ARHGAP21: variants seen among roughly 807,000 people sequenced by gnomAD.
ARHGAP21 encodes the protein Rho GTPase activating protein 21, also known as rho GTPase-activating protein 21.
A neutral mutation model predicts 164.6 loss-of-function variants in ARHGAP21; 38 were observed. The ratio of observed to expected loss-of-function variants is 0.23; its 90% CI spans 0.18 to 0.30. The LOEUF (loss-of-function observed/expected upper bound fraction) is 0.30, where lower values mean the gene tolerates loss of function less well. Ranked by LOEUF, ARHGAP21 falls within the 10% of genes least tolerant of loss-of-function variation. ARHGAP21 has a pLI of 1.00. For synonymous variants in ARHGAP21, 766 were observed against 857.9 expected (o/e 0.89, Z 1.87); for missense variants, 1,822 against 2,370.7 (o/e 0.77, Z 4.81).
intron 2 of ARHGAP21, among the ~76,000 whole-genome samples, chr10:24,701,350 G>T (rs1361325401): frequency 6.6e-6 from 1 of 151,816 alleles, no homozygotes; most frequent in Non-Finnish European, 1.5e-5. Flanking sequence ...TTCCTGAAAT[G>T]GACTTATACA....
At chr10:24,701,789 G>A (rs1481064666) in intron 2 of ARHGAP21, among the ~76,000 whole-genome samples, 1 of 152,178 alleles carries the variant, frequency 6.6e-6, no homozygotes, top group Non-Finnish European at 1.5e-5. Flanking sequence ...ATGTTCTGAT[G>A]TTTAAAATGA....
At chr10:24,656,572 G>T (rs1472043323) in intron 4 of ARHGAP21, among the ~76,000 whole-genome samples, 6 of 101,948 alleles carry the variant, frequency 5.9e-5, no homozygotes, top group Admixed American at 1.7e-4. Flanking sequence ...AGGTGGGGGG[G>T]GTCAGCCCTC....
chr10:24,680,693 A>T (rs1377851503), intron 2 of ARHGAP21, among the ~76,000 whole-genome samples: 2 of 152,252 alleles, frequency 1.3e-5, no homozygotes, highest in Non-Finnish European at 2.9e-5. Flanking sequence ...AGATAAAAAA[A>T]ATATACATAT....
chr10:24,642,210 A>G (rs1837107129), intron 4 of ARHGAP21, among the ~76,000 whole-genome samples: 1 of 152,036 alleles, frequency 6.6e-6, no homozygotes, highest in Non-Finnish European at 1.5e-5. Flanking sequence ...CCACTAACAG[A>G]TAAGAACTGT....
At chr10:24,723,269 T>A (rs943770640) in intron 1 of ARHGAP21, 1 of 150,458 alleles carries the variant, frequency 6.6e-6, no homozygotes, top group Non-Finnish European at 1.5e-5. Context: ...TCGGTTAATA[T>A]TCATGAGCGG....
Position 24,619,520 on chromosome 10 carries a change from G to T in ARHGAP21, c.2375C>A (p.Ser792Ter). The T allele has an allele frequency of 6.2e-7, 1 of 1,614,090 alleles. No homozygotes were observed. Among genetic ancestry groups the T allele is most frequent in the Non-Finnish European group, 8.5e-7 (1 of 1,180,024 alleles). The change falls in exon 9 of 26, where the codon TCG becomes TAG. Residue 792 changes from serine to a stop codon, truncating the protein, a stop_gained. Transcript: ENST00000396432. LOFTEE classifies it high-confidence loss of function. ...AGAATCGCCAGGCGGACTGGTACTC[G>T]AGGCTTTTCTTTCCTCCATTCTTTT... Reference protein sequence around the residue: ...HIKRMEERKASSTSPPGDSLA... With the variant: ...HIKRMEERKA
chr10:24,667,438 A>AT (rs1840305848), intron 3 of ARHGAP21, among the ~76,000 whole-genome samples: 1 of 152,204 alleles, frequency 6.6e-6, no homozygotes, highest in African/African-American at 2.4e-5. Context: ...TTTAAGGGAT[A>AT]TTACAGGACC....
chr10:24,697,131 C>T (rs1843243082), intron 2 of ARHGAP21, among the ~76,000 whole-genome samples: 1 of 152,122 alleles, frequency 6.6e-6, no homozygotes, highest in South Asian at 2.1e-4. Flanking sequence ...GTGGCCCTTC[C>T]CTGGCTCTCA....
rs1219210383 is a variant in ARHGAP21 at position 24,584,925 on chromosome 10, C to T, written c.5364G>A (p.Val1788=). Reference sequence around the variant, plus strand: ...TTTTCCTTTTAGCAGTCTCGGCATTCACTTTGTGATTCCCTACTCCAAACA... The same window carrying T: ...TTTTCCTTTTAGCAGTCTCGGCATTTACTTTGTGATTCCCTACTCCAAACA... ...DDMFGVGNHK[V]NAETAKRKSI... The change falls in exon 26 of 26, where the codon GTG becomes GTA. Residue 1788 remains valine (V), a synonymous_variant. Transcript: ENST00000396432. 4 of 1,613,794 alleles carry T rather than the reference C, an allele frequency of 2.5e-6. No individual in the cohort carries two copies. The African/African-American group carries it at 4.0e-5, about 16-fold the overall frequency.
At chr10:24,668,875 CTATA>C (rs1237482066) in intron 3 of ARHGAP21, among the ~76,000 whole-genome samples, 1 of 152,010 alleles carries the variant, frequency 6.6e-6, no homozygotes, top group Non-Finnish European at 1.5e-5. Context: ...ATTGTACTAC[CTATA>C]TGTTCATCAT....
At chr10:24,653,952 AGGAAAATAGATGC>A (rs1187245559) in intron 4 of ARHGAP21, among the ~76,000 whole-genome samples, 4 of 152,238 alleles carry the variant, frequency 2.6e-5, no homozygotes, top group African/African-American at 9.6e-5. Context: ...TACATAATGG[AGGAAAATAGATGC>A]AAATCATATA....
intron 9 of ARHGAP21, among the ~76,000 whole-genome samples, chr10:24,612,276 C>A (rs1196884489): frequency 6.6e-6 from 1 of 152,058 alleles, no homozygotes; most frequent in Non-Finnish European, 1.5e-5. Flanking sequence ...GGAATATTAA[C>A]ACTATTACTT....
chr10:24,669,475 T>C (rs1402903367), intron 3 of ARHGAP21, among the ~76,000 whole-genome samples: 1 of 152,208 alleles, frequency 6.6e-6, no homozygotes, highest in Non-Finnish European at 1.5e-5. Flanking sequence ...CATTATACTA[T>C]TGTGTAATAG....
chr10:24,682,648 T>G (rs1841877970), intron 2 of ARHGAP21, among the ~76,000 whole-genome samples: 1 of 152,110 alleles, frequency 6.6e-6, no homozygotes, highest in South Asian at 2.1e-4. Flanking sequence ...CTTGATAACT[T>G]CACAAGCAGC....
At position 24,635,032 on chromosome 10, in the gene ARHGAP21, A is replaced by C. The variant is rs527358837; in HGVS notation, c.340T>G (p.Phe114Val). 18 of 1,597,462 alleles carry C rather than the reference A, an allele frequency of 1.1e-5. No individual in the cohort carries two copies. In the South Asian group the frequency reaches 2.1e-4, roughly 18 times the overall value. ...VKQVKEGGPAFEAGLCTGDRI... is the reference protein window; with the variant it reads ...VKQVKEGGPAVEAGLCTGDRI... ...GCACCTGTACATAATCCAGCTTCAA[A>C]AGCAGGTCCTCCTTCTTTAACTTGC... The change falls in exon 5 of 26, where the codon TTT becomes GTT. Residue 114 changes from phenylalanine to valine, a missense_variant. By Grantham distance (50) the Phe-to-Val change is conservative (BLOSUM62 -1). Coordinates refer to ENST00000396432, the MANE Select transcript of ARHGAP21 (RefSeq NM_020824.4).
intron 4 of ARHGAP21, among the ~76,000 whole-genome samples, chr10:24,643,372 T>C (rs1837270220): frequency 6.6e-6 from 1 of 152,214 alleles, no homozygotes; most frequent in African/African-American, 2.4e-5. Context: ...CAGAAAAATT[T>C]GTTATGGTGC....
intron 9 of ARHGAP21, among the ~76,000 whole-genome samples, chr10:24,612,697 AC>A (rs1479240578): frequency 6.6e-6 from 1 of 152,022 alleles, no homozygotes; most frequent in Non-Finnish European, 1.5e-5. Flanking sequence ...TACTAAAAAT[AC>A]AAAAAAATTA....
intron 2 of ARHGAP21, among the ~76,000 whole-genome samples, chr10:24,673,501 C>T (rs535318205): frequency 6.6e-6 from 1 of 152,292 alleles, no homozygotes; most frequent in East Asian, 1.9e-4. Flanking sequence ...TGTGTGGAGG[C>T]TGTGTGCAAG....
At chr10:24,608,076 C>G (rs2077106822) in intron 9 of ARHGAP21, among the ~76,000 whole-genome samples, 173 bp from the exon 10 acceptor site, 1 of 152,062 alleles carries the variant, frequency 6.6e-6, no homozygotes, top group Admixed American at 6.5e-5. Flanking sequence ...AGTTATTACT[C>G]TAGTAATTCT....
Sources: allele counts gnomAD v4.1 joint callset (sites outside exome capture counted in the v4.1 genomes callset), GRCh38; gene constraint gnomAD v4.1.1; transcripts MANE v1.5; gene names NCBI Gene and HGNC (gene_info 2026-07-23, HGNC 2026-07-21).